The following SPRY3 variants were observed in gnomAD, a reference collection of about 807,000 sequenced individuals.
SPRY3 encodes the protein sprouty RTK signaling antagonist 3.
In SPRY3, 15 loss-of-function variants were observed where a neutral mutation model predicts 20.2. The observed-to-expected ratio is 0.74, with a 90% confidence interval of 0.50 to 1.14. The LOEUF is 1.14. Among genes scored for constraint, SPRY3 ranks in the 50% most tolerant of loss-of-function variants. SPRY3 has a pLI of 0.00. For synonymous variants in SPRY3, 143 were observed against 136.5 expected, an observed-to-expected ratio of 1.05 and a Z score of -0.33; for missense variants, 364 against 363.9, an observed-to-expected ratio of 1.00 and a Z score of 0.00.
chrX:155,706,769 G>A lies in SPRY3; in HGVS notation c.-282+49744G>A, dbSNP rs746306845. 3.3e-4 allele frequency among the ~76,000 whole-genome samples: 50 copies of A among 150,838 alleles called. 1 individual carries two copies. The highest frequency in any genetic ancestry group is 1.1e-3 in the African/African-American group (44 of 41,394). On this transcript the variant is annotated intron_variant, in intron 2 of 3. Coordinates refer to ENST00000675360, the Ensembl canonical transcript of SPRY3. ...AATGGGCTAAATCCCTGGGAGGCGC[G>A]AACTACAAAAACTCATCCAAGAAGA...
At chrX:155,715,562 C>A (rs1191592841) in intron 2 of SPRY3, among the ~76,000 whole-genome samples, 1 of 152,102 alleles carries the variant, frequency 6.6e-6, no homozygotes, top group African/African-American at 2.4e-5. Flanking sequence ...AGTGCAAGAA[C>A]TCCCCCAGCT....
intron 3 of SPRY3, among the ~76,000 whole-genome samples, chrX:155,772,766 TTC>T (rs1196901790): frequency 6.6e-6 from 1 of 152,138 alleles, no homozygotes; most frequent in Non-Finnish European, 1.5e-5. Flanking sequence ...AGCATATGCT[TTC>T]TAGACATTCA....
At chrX:155,616,842 T>A (rs1271063331) in intron 1 of SPRY3, among the ~76,000 whole-genome samples, 1 of 110,719 alleles carries the variant, frequency 9.0e-6, no homozygotes, top group Admixed American at 9.7e-5. Flanking sequence ...CAAACTAGGA[T>A]GCTTAGTTAT....
intron 2 of SPRY3, among the ~76,000 whole-genome samples, chrX:155,671,453 T>C (rs2068040335): frequency 9.0e-6 from 1 of 111,268 alleles, no homozygotes; most frequent in Non-Finnish European, 1.9e-5. Context: ...CCAAGGGCTA[T>C]GGCAAAATCT....
intron 2 of SPRY3, among the ~76,000 whole-genome samples, chrX:155,737,951 T>G (rs2091179964): frequency 6.6e-6 from 1 of 152,192 alleles, no homozygotes; most frequent in African/African-American, 2.4e-5. Context: ...ATTTCTATTT[T>G]TAATTAAATT....
At chrX:155,773,023 C>T (rs1245796342) in intron 3 of SPRY3, among the ~76,000 whole-genome samples, 1 of 151,936 alleles carries the variant, frequency 6.6e-6, no homozygotes, top group Non-Finnish European at 1.5e-5. Flanking sequence ...ATTCTGGAGC[C>T]TCCATTCCAT....
chrX:155,700,291 CAA>C (rs4012982), intron 2 of SPRY3, among the ~76,000 whole-genome samples: 34,136 of 106,749 alleles, frequency 0.32, 5,102 homozygotes, highest in African/African-American at 0.53. Context: ...TGGAAAATAA[CAA>C]GTGTTGTTGA....
In SPRY3 at chrX:155,709,897, T is replaced by G. The variant is rs187248245; in HGVS notation, c.-282+52872T>G. On this transcript the variant is annotated intron_variant, in intron 2 of 3. Transcript: ENST00000675360. ...TGCTTATGTATATCCACTATTCCCCTCAGCATTTATTGAAGAGACTTCCTT... is the reference window on the plus strand; with the variant it reads ...TGCTTATGTATATCCACTATTCCCCGCAGCATTTATTGAAGAGACTTCCTT... Among the ~76,000 whole-genome samples the G allele has an allele frequency of 1.1e-4, 16 of 151,758 alleles. 1 individual carries two copies. The highest frequency in any genetic ancestry group is 9.9e-4 in the Admixed American group (15 of 15,208).
chrX:155,714,090 T>C (rs5940562), intron 2 of SPRY3, among the ~76,000 whole-genome samples: 4,505 of 152,302 alleles, frequency 0.03, 82 homozygotes, highest in Non-Finnish European at 0.042. Flanking sequence ...GATAGAATTC[T>C]GAAGTTCTTC....
intron 1 of SPRY3, among the ~76,000 whole-genome samples, chrX:155,638,366 A>G (rs1361958953): frequency 1.2e-4 from 5 of 41,692 alleles, no homozygotes; most frequent in South Asian, 1.5e-3. Context: ...ATATATATAT[A>G]TATGTAAAGT....
At chrX:155,719,735 T>C (rs2091044402) in intron 2 of SPRY3, among the ~76,000 whole-genome samples, 1 of 151,570 alleles carries the variant, frequency 6.6e-6, no homozygotes, top group African/African-American at 2.4e-5. Flanking sequence ...AGAAGGAAGG[T>C]CACTGCCTTC....
At chrX:155,777,073 C>T (rs1374979630), downstream of SPRY3, 1 of 166,922 alleles carries the variant, frequency 6.0e-6, no homozygotes, top group Admixed American at 6.5e-5. Context: ...TTTTAAGTAA[C>T]TTTTTAATCT....
chrX:155,725,903 G>A (rs1416864660), intron 2 of SPRY3, among the ~76,000 whole-genome samples: 1 of 152,046 alleles, frequency 6.6e-6, no homozygotes, highest in Non-Finnish European at 1.5e-5. Context: ...TCTTTTAATT[G>A]TGATGTTAGG....
At chrX:155,747,756 G>C (rs1047562708) in intron 2 of SPRY3, among the ~76,000 whole-genome samples, 124 of 152,036 alleles carry the variant, frequency 8.2e-4, no homozygotes, top group Non-Finnish European at 1.4e-3. Context: ...GGTAATACAA[G>C]AAGGGAAACT....
intron 2 of SPRY3, among the ~76,000 whole-genome samples, chrX:155,749,688 A>G (rs1458813035): frequency 6.6e-6 from 1 of 151,770 alleles, no homozygotes; most frequent in African/African-American, 2.4e-5. Flanking sequence ...AGGACCTTGT[A>G]GACTATTGTA....
At chrX:155,614,214 T>A (rs1369793967) in intron 1 of SPRY3, among the ~76,000 whole-genome samples, 2 of 111,801 alleles carry the variant, frequency 1.8e-5, no homozygotes, top group Non-Finnish European at 3.8e-5. Context: ...ATATAGTCCA[T>A]GCCCTTATGC....
chrX:155,767,244 G>T (rs1020920205), intron 2 of SPRY3, among the ~76,000 whole-genome samples: 7 of 151,498 alleles, frequency 4.6e-5, no homozygotes, highest in African/African-American at 1.5e-4. Context: ...GGGAGAGAAA[G>T]AAATTATAAC....
intron 2 of SPRY3, among the ~76,000 whole-genome samples, chrX:155,727,558 T>A (rs1478935503): frequency 2.0e-5 from 3 of 152,184 alleles, no homozygotes; most frequent in Non-Finnish European, 4.4e-5. Context: ...TTATCTCTAA[T>A]CACTGATATC....
chrX:155,750,475 T>C lies in SPRY3; in HGVS notation c.-281-17487T>C, dbSNP rs149395372. Among the ~76,000 whole-genome samples, 268 of 151,754 alleles carry C rather than the reference T, an allele frequency of 1.8e-3. 1 individual carries two copies. Among genetic ancestry groups the C allele is most frequent in the African/African-American group, 5.9e-3 (246 of 41,414 alleles). On this transcript the variant is annotated intron_variant, in intron 2 of 3. Transcript: ENST00000675360. ...AATTTAAAAATATCACCAGAGGACATTGAGATGAAATAAATAGTGAGATAG... is the reference window on the plus strand; with the variant it reads ...AATTTAAAAATATCACCAGAGGACACTGAGATGAAATAAATAGTGAGATAG...
Sources: gnomAD v4.1 joint callset for allele counts (sites outside exome capture counted in the v4.1 genomes callset) on GRCh38, gnomAD v4.1.1 for gene constraint, MANE v1.5 for transcripts, NCBI Gene and HGNC (gene_info 2026-07-23, HGNC 2026-07-21) for gene names.